The following PPARG variants were observed in gnomAD, a reference collection of about 807,000 sequenced individuals.
PPARG encodes the protein peroxisome proliferator activated receptor gamma.
A neutral mutation model predicts 39.2 loss-of-function variants in PPARG; 17 were observed. That is an observed-to-expected ratio of 0.43 (90% CI 0.30 to 0.65). The LOEUF (loss-of-function observed/expected upper bound fraction) is 0.65. PPARG is among the 30% of genes least tolerant of loss of function. The pLI, the probability that PPARG is intolerant of heterozygous loss-of-function variation, is 0.13. For synonymous variants in PPARG, 223 were observed against 215.7 expected, an observed-to-expected ratio of 1.03 and a Z score of -0.30; for missense variants, 406 against 585.9, an observed-to-expected ratio of 0.69 and a Z score of 3.17.
intron 7 of PPARG, among the ~76,000 whole-genome samples, chr3:12,423,372 A>G (rs2051326878): frequency 6.6e-6 from 1 of 152,242 alleles, no homozygotes. Flanking sequence ...CCAGTGTTCA[A>G]TCAGCACTGA....
chr3:12,348,537 A>T (rs779519706), intron 2 of PPARG, among the ~76,000 whole-genome samples: 1 of 152,194 alleles, frequency 6.6e-6, no homozygotes, highest in Non-Finnish European at 1.5e-5. Flanking sequence ...CATTATCCCC[A>T]TTCTTTCTCC....
At chr3:12,298,644 A>G (rs2046854479) in intron 1 of PPARG, among the ~76,000 whole-genome samples, 1 of 152,168 alleles carries the variant, frequency 6.6e-6, no homozygotes, top group Non-Finnish European at 1.5e-5. Context: ...TATCAGTGTT[A>G]TAAATATTTA....
chr3:12,396,003 A>G (rs999674123), intron 5 of PPARG, among the ~76,000 whole-genome samples: 1 of 152,242 alleles, frequency 6.6e-6, no homozygotes, highest in African/African-American at 2.4e-5. Context: ...TTGCTTCTTT[A>G]GTCAAATGGG....
At chr3:12,397,562 C>G (rs1373515828) in intron 5 of PPARG, among the ~76,000 whole-genome samples, 2 of 151,766 alleles carry the variant, frequency 1.3e-5, no homozygotes, top group Non-Finnish European at 2.9e-5. Flanking sequence ...AGGCGCCTGC[C>G]ACCATGCCCG....
chr3:12,433,330 G>A (rs964478543), intron 7 of PPARG, among the ~76,000 whole-genome samples: 7 of 152,068 alleles, frequency 4.6e-5, no homozygotes, highest in African/African-American at 1.7e-4. Flanking sequence ...TTGAGGTCAG[G>A]AGTTTGAGAC....
At chr3:12,341,308 GA>G (rs1173317105) in intron 2 of PPARG, among the ~76,000 whole-genome samples, 1 of 152,186 alleles carries the variant, frequency 6.6e-6, no homozygotes, top group African/African-American at 2.4e-5. Context: ...AGCTGAAAAA[GA>G]AAAACTTAGA....
At chr3:12,314,901 G>A (rs1400724034) in intron 2 of PPARG, among the ~76,000 whole-genome samples, 39 of 152,236 alleles carry the variant, frequency 2.6e-4, no homozygotes, top group Non-Finnish European at 1.2e-4. Flanking sequence ...CATACAATGT[G>A]TAATGATCAA....
chr3:12,323,497 C>T (rs899912557), intron 2 of PPARG, among the ~76,000 whole-genome samples: 2 of 152,172 alleles, frequency 1.3e-5, no homozygotes, highest in Non-Finnish European at 2.9e-5. Flanking sequence ...CTTAGTACTT[C>T]TGTGTACCCA....
rs1451772974 is a variant in PPARG at position 12,395,348 on chromosome 3, T to C, written c.529+2596T>C. Among the ~76,000 whole-genome samples, 3 of 152,344 alleles carry C rather than the reference T, an allele frequency of 2.0e-5. No individual in the cohort carries two copies. In the South Asian group the frequency reaches 6.2e-4, roughly 32 times the overall value. ...ACGATAAAAATAAAAATGTAATTTA[T>C]ATATCTGAATCAGGTCTGTATGTTA... is the stretch of plus-strand genomic sequence containing the variant. On this transcript the variant is annotated intron_variant, in intron 5 of 7. Coordinates refer to ENST00000651735, the MANE Select transcript of PPARG (RefSeq NM_138711.6).
At chr3:12,329,595 A>G (rs1449944291) in intron 2 of PPARG, among the ~76,000 whole-genome samples, 1 of 152,198 alleles carries the variant, frequency 6.6e-6, no homozygotes, top group Non-Finnish European at 1.5e-5. Context: ...ACCAGTAAAA[A>G]ACAAGTTGCC....
chr3:12,359,719 GGCT>G (rs1459969142), intron 2 of PPARG, among the ~76,000 whole-genome samples: 1 of 139,586 alleles, frequency 7.2e-6, no homozygotes, highest in African/African-American at 2.8e-5. Flanking sequence ...CTGTCACCCA[GGCT>G]GAAGTGCAGT....
chr3:12,304,515 G>T (rs1315671670), intron 1 of PPARG, among the ~76,000 whole-genome samples: 1 of 152,074 alleles, frequency 6.6e-6, no homozygotes, highest in Non-Finnish European at 1.5e-5. Flanking sequence ...AATGCTTATG[G>T]TATCAGGTGA....
chr3:12,370,565 T>C (rs1007375818), intron 2 of PPARG, among the ~76,000 whole-genome samples: 3 of 152,184 alleles, frequency 2.0e-5, no homozygotes, highest in African/African-American at 7.2e-5. Flanking sequence ...GTCGCAAACT[T>C]CAACATAGGT....
At chr3:12,357,497 C>G (rs889081811) in intron 2 of PPARG, among the ~76,000 whole-genome samples, 1 of 152,190 alleles carries the variant, frequency 6.6e-6, no homozygotes, top group African/African-American at 2.4e-5. Flanking sequence ...CTTCCCTATC[C>G]TAGGACAGGG....
intron 7 of PPARG, among the ~76,000 whole-genome samples, chr3:12,418,088 T>C (rs904588833): frequency 6.6e-6 from 1 of 151,932 alleles, no homozygotes; most frequent in African/African-American, 2.4e-5. Context: ...CACCTCAGCC[T>C]CCCAAGTAGA....
chr3:12,405,948 T>C lies in PPARG; in HGVS notation c.596T>C (p.Ile199Thr), dbSNP rs1421791772. The C allele has an allele frequency of 1.9e-6, 3 of 1,614,112 alleles. No individual in the cohort carries two copies. Among genetic ancestry groups the C allele is most frequent in the Non-Finnish European group, 2.5e-6 (3 of 1,180,016 alleles). ...EKLLAEISSD[I>T]DQLNPESADL... The stretch of plus-strand genomic sequence containing the variant: ...CTGTTGGCGGAGATCTCCAGTGATA[T>C]CGACCAGCTGAATCCAGAGTCCGCT... The change falls in exon 6 of 8, where the codon ATC becomes ACC. Residue 199 changes from isoleucine (I) to threonine (T), a missense_variant. By Grantham distance (89) the Ile-to-Thr change is moderately conservative. Transcript: ENST00000651735.
Position 12,300,157 on chromosome 3 carries a change from C to G in PPARG, c.-83+11023C>G, listed in dbSNP as rs531081140. 2.8e-3 allele frequency among the ~76,000 whole-genome samples: 428 copies of G among 152,218 alleles called. 2 individuals are homozygous for G. Among genetic ancestry groups the G allele is most frequent in the African/African-American group, 9.5e-3 (395 of 41,504 alleles). On this transcript the variant is annotated intron_variant, in intron 1 of 7. Coordinates refer to ENST00000651735, the MANE Select transcript of PPARG (RefSeq NM_138711.6). ...AGGGCCGTGAAATGTTACAGTGTAA[C>G]TCAATACAGATGTAACCAAAACCTT...
intron 5 of PPARG, among the ~76,000 whole-genome samples, chr3:12,405,525 T>G (rs899970672): frequency 6.6e-6 from 1 of 152,226 alleles, no homozygotes; most frequent in Non-Finnish European, 1.5e-5. Context: ...GTGCTGGGGA[T>G]ACAAAGAAGG....
At chr3:12,387,129 T>C (rs2049905488) in intron 4 of PPARG, among the ~76,000 whole-genome samples, 1 of 152,212 alleles carries the variant, frequency 6.6e-6, no homozygotes, top group African/African-American at 2.4e-5. Context: ...TTGATGGACA[T>C]TTGGGTCAGT....
Sources: allele counts gnomAD v4.1 joint callset (sites outside exome capture counted in the v4.1 genomes callset), GRCh38; gene constraint gnomAD v4.1.1; transcripts MANE v1.5; gene names NCBI Gene and HGNC (gene_info 2026-07-23, HGNC 2026-07-21).